Variants in OSTM1 observed in about 807,000 individuals in gnomAD.
The protein encoded by OSTM1 is osteoclastogenesis associated transmembrane protein 1.
A neutral mutation model predicts 35.4 loss-of-function variants in OSTM1; 26 were observed. That is an observed-to-expected ratio of 0.73 (90% confidence interval 0.54 to 1.02). The LOEUF (loss-of-function observed/expected upper bound fraction) is 1.02, where lower values mean the gene tolerates loss of function less well. Among genes scored for constraint, OSTM1 ranks in the 50% least tolerant of loss-of-function variants. OSTM1 has a pLI of 0.00. For synonymous variants in OSTM1, 181 were observed against 165.0 expected, an observed-to-expected ratio of 1.10 and a Z score of -0.75; for missense variants, 366 against 409.6, an observed-to-expected ratio of 0.89 and a Z score of 0.92.
intron 2 of OSTM1, 60 bp from the exon 3 acceptor site, chr6:108,054,647 T>C: frequency 1.3e-6 from 1 of 798,890 alleles, no homozygotes; most frequent in Admixed American, 1.9e-5. Flanking sequence ...TATGTTGTCA[T>C]TTATATCTTA....
intron 1 of OSTM1, among the ~76,000 whole-genome samples, chr6:108,065,301 G>A (rs1279584985): frequency 1.4e-5 from 2 of 147,204 alleles, no homozygotes; most frequent in African/African-American, 5.1e-5. Context: ...GTGCAGTGAC[G>A]CAATCTCAGC....
chr6:108,058,367 C>T (rs370838977), intron 2 of OSTM1, among the ~76,000 whole-genome samples: 4 of 152,042 alleles, frequency 2.6e-5, no homozygotes, highest in Non-Finnish European at 5.9e-5. Flanking sequence ...AAATAAACTA[C>T]GGCAACTTTG....
At position 108,074,436 on chromosome 6, in the gene OSTM1, C is replaced by T. The variant is rs758780913; in HGVS notation, c.216G>A (p.Ser72=). 6.4e-7 allele frequency: 1 copy of T among 1,559,242 alleles called. No homozygotes were observed. The highest frequency in any genetic ancestry group is 8.7e-7 in the Non-Finnish European group (1 of 1,151,818). Residue 72 remains serine (S), a synonymous_variant, in exon 1 of 6, where the codon TCG becomes TCA. Coordinates refer to ENST00000193322, the MANE Select transcript of OSTM1 (RefSeq NM_014028.4). ...CCAGATCCGGCAGGTCCGGGGGCAG[C>T]GACAGAGGCCCCAGCCCTCCACCCT... ...LLQGGGLGPL[S]LPPDLPDLDP...
chr6:108,055,141 A>T (rs547226919), intron 2 of OSTM1, among the ~76,000 whole-genome samples: 1 of 152,308 alleles, frequency 6.6e-6, no homozygotes, highest in Admixed American at 6.5e-5. Flanking sequence ...GCTTCAAGTA[A>T]AGTCTAGAAA....
chr6:108,061,894 T>C (rs367730531), intron 2 of OSTM1, among the ~76,000 whole-genome samples: 24 of 152,224 alleles, frequency 1.6e-4, no homozygotes, highest in African/African-American at 3.1e-4. Context: ...TCCAGGTGCA[T>C]TGTAAATCCC....
At chr6:108,046,010 A>T (rs997013429) in intron 5 of OSTM1, among the ~76,000 whole-genome samples, 40 of 151,036 alleles carry the variant, frequency 2.6e-4, no homozygotes, top group African/African-American at 9.0e-4. Context: ...TATTTTATTT[A>T]TTTTTTTTGA....
At chr6:108,049,596 A>G in intron 4 of OSTM1, 178 bp from the exon 5 acceptor site, 1 of 1,411,000 alleles carries the variant, frequency 7.1e-7, no homozygotes, top group Non-Finnish European at 9.2e-7. Flanking sequence ...GGTTCAAAAT[A>G]CAGTCATTGT....
chr6:108,049,268 G>A lies in OSTM1; in HGVS notation c.934C>T (p.Arg312Cys), dbSNP rs1772034319. 2 of 1,611,100 alleles carry A rather than the reference G, an allele frequency of 1.2e-6. No homozygotes were observed. The highest frequency in any genetic ancestry group is 1.7e-6 in the Non-Finnish European group (2 of 1,177,662). Residue 312 changes from arginine to cysteine, a missense_variant, in exon 5 of 6, where the codon CGC becomes TGC. Physicochemically the swap from Arg to Cys is radical, Grantham distance 180. Transcript: ENST00000193322. ...SSFLHSEQKK[R>C]KLILPKRLKS... ...AAAAACTTACGCAGAATGAGTTTGC[G>A]TTTCTTTTGCTCTGAGTGAAGAAAG... is the stretch of plus-strand genomic sequence containing the variant.
In OSTM1 at chr6:108,049,148, G is replaced by A; in HGVS notation, c.949+105C>T. 5.4e-6 allele frequency: 4 copies of A among 743,902 alleles called. No individual in the cohort carries two copies. The South Asian group carries it at 6.6e-5, about 12-fold the overall frequency. 46.1% of individuals were successfully genotyped at this position (743,902 alleles called of 1,614,324 possible). A position where few individuals can be genotyped will look rare whatever the true frequency, so the allele number is the denominator to read the frequency against. On this transcript the variant is annotated intron_variant, in intron 5 of 5. Transcript: ENST00000193322. ...AACTTAAAGCAGAGAGTCCTTTTAG[G>A]CTAATCTACTTTGAGTTCTCAGAGT... is the stretch of plus-strand genomic sequence containing the variant.
At chr6:108,062,953 C>T (rs1772308374) in intron 2 of OSTM1, among the ~76,000 whole-genome samples, 1 of 151,478 alleles carries the variant, frequency 6.6e-6, no homozygotes, top group Non-Finnish European at 1.5e-5. Flanking sequence ...ACTATGCTTC[C>T]TGGAACATCT....
intron 3 of OSTM1, 87 bp from the exon 4 acceptor site, chr6:108,051,285 C>T (rs748695054): frequency 1.9e-5 from 19 of 999,982 alleles, no homozygotes; most frequent in Admixed American, 6.1e-5. Flanking sequence ...TTCTAGAAGA[C>T]GGGAAACAAT....
intron 4 of OSTM1, among the ~76,000 whole-genome samples, chr6:108,050,651 G>A (rs1000044779): frequency 6.6e-6 from 1 of 152,068 alleles, no homozygotes; most frequent in Non-Finnish European, 1.5e-5. Context: ...TGTAGTCACC[G>A]TGCCCAGCTC....
chr6:108,074,184 A>G (rs1331689200), intron 1 of OSTM1, 66 bp downstream of exon 1: 18 of 1,525,240 alleles, frequency 1.2e-5, no homozygotes, highest in Non-Finnish European at 1.6e-5. Context: ...AGCGCTGACC[A>G]TCATTACACC....
rs758083366 is a variant in OSTM1, at chr6:108,054,445, T to C, written c.615+45A>G. ...AAACTTGGAACTGCACATTATTCCT[T>C]TGTACAAGGCAGCATTTTAATTTTA... On this transcript the variant is annotated intron_variant, in intron 3 of 5. Coordinates refer to ENST00000193322, the MANE Select transcript of OSTM1 (RefSeq NM_014028.4). 13 of 871,654 alleles carry C rather than the reference T, an allele frequency of 1.5e-5. No homozygotes were observed. The South Asian group carries it at 1.9e-4, about 13-fold the overall frequency. 54.0% of individuals were successfully genotyped at this position (871,654 alleles called of 1,614,324 possible).
chr6:108,067,573 T>C (rs568722906), intron 1 of OSTM1, among the ~76,000 whole-genome samples: 1 of 121,504 alleles, frequency 8.2e-6, no homozygotes, highest in East Asian at 3.0e-4. Context: ...GGCTCACGCC[T>C]GTATCCCAAT....
At chr6:108,069,017 T>A (rs1772432018) in intron 1 of OSTM1, among the ~76,000 whole-genome samples, 1 of 152,124 alleles carries the variant, frequency 6.6e-6, no homozygotes, top group Non-Finnish European at 1.5e-5. Context: ...ATACCTTCCC[T>A]CCCCTGCCTG....
At chr6:108,056,343 T>G (rs1234121628) in intron 2 of OSTM1, among the ~76,000 whole-genome samples, 1 of 152,356 alleles carries the variant, frequency 6.6e-6, no homozygotes. Flanking sequence ...CTGTACTCAG[T>G]CTGATTCTTG....
At chr6:108,051,879 T>G (rs766443766) in intron 3 of OSTM1, among the ~76,000 whole-genome samples, 21 of 152,360 alleles carry the variant, frequency 1.4e-4, no homozygotes, top group Admixed American at 2.6e-4. Flanking sequence ...CACTTGTCTT[T>G]TCAAGAATAA....
intron 3 of OSTM1, among the ~76,000 whole-genome samples, chr6:108,053,971 A>AGG (rs1190919079): frequency 1.3e-5 from 2 of 152,204 alleles, no homozygotes; most frequent in Non-Finnish European, 2.9e-5. Flanking sequence ...AAAATTCAAG[A>AGG]GTCAGAGATA....
Sources: allele counts gnomAD v4.1 joint callset (sites outside exome capture counted in the v4.1 genomes callset), GRCh38; gene constraint gnomAD v4.1.1; transcripts MANE v1.5; gene names NCBI Gene and HGNC (gene_info 2026-07-23, HGNC 2026-07-21).